The following CADPS2 variants were observed in gnomAD, a reference collection of about 807,000 sequenced individuals.
The protein encoded by CADPS2 is calcium-dependent secretion activator 2.
Under a neutral mutation model 172.5 loss-of-function variants are expected in CADPS2, and 93 were observed. That is an observed-to-expected ratio of 0.54 (90% CI 0.46 to 0.64). The LOEUF (loss-of-function observed/expected upper bound fraction) is 0.64, where lower values mean the gene tolerates loss of function less well. Among genes scored for constraint, CADPS2 ranks in the 30% least tolerant of loss-of-function variants. The probability of loss-of-function intolerance (pLI) is 0.00; values close to 1 mark genes in which losing one functional copy is unlikely to be tolerated. For missense variants in CADPS2, 1,420 were observed against 1,565.9 expected, an observed-to-expected ratio of 0.91 and a Z score of 1.57; for synonymous variants, 546 against 555.2, an observed-to-expected ratio of 0.98 and a Z score of 0.23.
intron 2 of CADPS2, chr7:122,702,402 T>C (rs1228857122): frequency 6.2e-7 from 1 of 1,613,806 alleles, no homozygotes; most frequent in Non-Finnish European, 8.5e-7. Flanking sequence ...GCTGCCACGT[T>C]GATTTTATGT....
intron 19 of CADPS2, among the ~76,000 whole-genome samples, chr7:122,410,401 A>G (rs564355105): frequency 1.2e-4 from 18 of 152,222 alleles, no homozygotes; most frequent in Middle Eastern, 3.4e-3. Flanking sequence ...TAATACAAAT[A>G]AGCAATACAA....
chr7:122,369,307 T>G (rs1184834976), intron 25 of CADPS2, among the ~76,000 whole-genome samples: 1 of 152,018 alleles, frequency 6.6e-6, no homozygotes, highest in South Asian at 2.1e-4. Flanking sequence ...ATTTTTTGTA[T>G]TTTTTAGTAG....
chr7:122,384,372 T>C (rs1029551105), intron 24 of CADPS2, among the ~76,000 whole-genome samples: 7 of 152,148 alleles, frequency 4.6e-5, no homozygotes, highest in African/African-American at 1.7e-4. Flanking sequence ...ACATTGCTGC[T>C]ATGTTTAACT....
chr7:122,348,440 A>G (rs2038021849), intron 27 of CADPS2, among the ~76,000 whole-genome samples: 1 of 152,180 alleles, frequency 6.6e-6, no homozygotes, highest in Admixed American at 6.5e-5. Context: ...CTAAGTTGAG[A>G]CAGTTCCACA....
intron 3 of CADPS2, among the ~76,000 whole-genome samples, chr7:122,633,509 A>AT (rs1220756808): frequency 6.6e-6 from 1 of 151,972 alleles, no homozygotes; most frequent in Non-Finnish European, 1.5e-5. Flanking sequence ...AATTTTACTG[A>AT]TGTATAGAAG....
At chr7:122,723,602 T>C (rs556586455) in intron 2 of CADPS2, among the ~76,000 whole-genome samples, 18 of 152,322 alleles carry the variant, frequency 1.2e-4, no homozygotes, top group African/African-American at 3.8e-4. Context: ...AGTTCAACCA[T>C]TGTGGAAGAC....
At position 122,689,984 on chromosome 7, in the gene CADPS2, G is replaced by A. The variant is rs773159402; in HGVS notation, c.454-26415C>T. On this transcript the variant is annotated intron_variant, in intron 2 of 29. Coordinates refer to ENST00000449022, the MANE Select transcript of CADPS2 (RefSeq NM_017954.11). ...GTGTTGCATCCCACCCACTGTCCACGAGGCCTGGACAGTGTGCAGTTCTGC... is the reference window on the plus strand; with the variant it reads ...GTGTTGCATCCCACCCACTGTCCACAAGGCCTGGACAGTGTGCAGTTCTGC... Among the ~76,000 whole-genome samples the A allele has an allele frequency of 8.5e-5, 13 of 152,264 alleles. No individual in the cohort carries two copies. In the East Asian group the frequency reaches 1.4e-3, roughly 16 times the overall value.
In CADPS2 at chr7:122,663,254, G is replaced by C; in HGVS notation, c.769C>G (p.Leu257Val). ...CCACTTACCTGACATGCATTATAAA[G>C]GAGCTGGTGTTCCAGTTTTTTAATA... is the stretch of plus-strand genomic sequence containing the variant. ...LGIKKLEHQL[L>V]YNACQLDNAD... Residue 257 changes from leucine (L) to valine (V), a missense_variant, in exon 3 of 30, where the codon CTT (leucine) becomes GTT (valine). Coordinates refer to ENST00000449022, the MANE Select transcript of CADPS2 (RefSeq NM_017954.11). The C allele has an allele frequency of 6.2e-7, 1 of 1,611,700 alleles. No individual in the cohort carries two copies. Among genetic ancestry groups the C allele is most frequent in the Non-Finnish European group, 8.5e-7 (1 of 1,178,272 alleles).
chr7:122,714,865 T>C (rs1483028548), intron 2 of CADPS2, among the ~76,000 whole-genome samples: 3 of 152,156 alleles, frequency 2.0e-5, no homozygotes, highest in Non-Finnish European at 2.9e-5. Context: ...TCATTTAAAA[T>C]TCACAACACT....
At chr7:122,584,430 TTA>T (rs1412151655) in intron 6 of CADPS2, among the ~76,000 whole-genome samples, 8 of 152,010 alleles carry the variant, frequency 5.3e-5, no homozygotes, top group Non-Finnish European at 1.2e-4. Flanking sequence ...ATAGCATCTG[TTA>T]TGTCCTTCTT....
intron 1 of CADPS2, among the ~76,000 whole-genome samples, chr7:122,813,098 T>G (rs1378420967): frequency 6.6e-6 from 1 of 152,076 alleles, no homozygotes; most frequent in African/African-American, 2.4e-5. Flanking sequence ...CTCAATCAGA[T>G]TTCAAAGCAG....
chr7:122,856,337 G>T (rs753805893), intron 1 of CADPS2, among the ~76,000 whole-genome samples: 5 of 152,152 alleles, frequency 3.3e-5, no homozygotes, highest in Non-Finnish European at 7.4e-5. Context: ...AGTGGCATCA[G>T]CAAAATCCAA....
intron 7 of CADPS2, among the ~76,000 whole-genome samples, chr7:122,578,042 G>A (rs951791352): frequency 2.0e-5 from 3 of 150,670 alleles, no homozygotes; most frequent in African/African-American, 7.3e-5. Flanking sequence ...CTTAATAGAA[G>A]TTATTTGTTC....
chr7:122,438,686 C>T (rs1483526680), intron 16 of CADPS2, among the ~76,000 whole-genome samples: 2 of 152,056 alleles, frequency 1.3e-5, no homozygotes, highest in African/African-American at 2.4e-5. Context: ...TTAGCTCCTC[C>T]TAAGCCTAAT....
chr7:122,741,821 T>C (rs1469217562), intron 1 of CADPS2, among the ~76,000 whole-genome samples: 2 of 152,164 alleles, frequency 1.3e-5, no homozygotes, highest in Non-Finnish European at 2.9e-5. Context: ...TCTAGTACTA[T>C]ACACTATCTA....
chr7:122,855,716 A>G (rs1040860695), intron 1 of CADPS2, among the ~76,000 whole-genome samples: 6 of 152,206 alleles, frequency 3.9e-5, no homozygotes, highest in African/African-American at 1.4e-4. Context: ...AAGAATGCAG[A>G]CTGCTTCTAC....
intron 9 of CADPS2, among the ~76,000 whole-genome samples, chr7:122,494,170 TCAGCTTCTGCTGAGGCAGCAC>T (rs1308124510): frequency 2.0e-5 from 3 of 152,178 alleles, no homozygotes; most frequent in Admixed American, 6.5e-5. Context: ...ACATTTTCCC[TCAGCTTCTGCTGAGGCAGCAC>T]CAGCTTCTGC....
In CADPS2 at chr7:122,655,154, C is replaced by T. The variant is rs149564455; in HGVS notation, c.786+8083G>A. Among the ~76,000 whole-genome samples, 107 of 152,206 alleles carry T rather than the reference C, an allele frequency of 7.0e-4. 1 individual carries two copies. In the East Asian group the frequency reaches 0.019, roughly 27 times the overall value. On this transcript the variant is annotated intron_variant, in intron 3 of 29. Transcript: ENST00000449022. Reference sequence around the variant, plus strand: ...TTGTGTCTTGAAGTGAAATCTAATCCTAGTGAAGATGCTGTGAACACTGTT... The same window carrying T: ...TTGTGTCTTGAAGTGAAATCTAATCTTAGTGAAGATGCTGTGAACACTGTT...
chr7:122,816,697 T>C (rs1035084067), intron 1 of CADPS2, among the ~76,000 whole-genome samples: 2 of 152,228 alleles, frequency 1.3e-5, no homozygotes, highest in Admixed American at 1.3e-4. Context: ...GCAGCATCCA[T>C]TATTGCCTGT....
Sources: gnomAD v4.1 joint callset for allele counts (sites outside exome capture counted in the v4.1 genomes callset) on GRCh38, gnomAD v4.1.1 for gene constraint, MANE v1.5 for transcripts, NCBI Gene and HGNC (gene_info 2026-07-23, HGNC 2026-07-21) for gene names.